The following TSPAN18 variants were observed in gnomAD, a reference collection of about 807,000 sequenced individuals.
TSPAN18 encodes tetraspanin 18, also known as tetraspanin-18.
TSPAN18 carries 14 observed loss-of-function variants against 27.3 expected under a neutral mutation model. The observed-to-expected ratio is 0.51, with a 90% CI of 0.34 to 0.80. The LOEUF is 0.80. TSPAN18 is among the 30% of genes least tolerant of loss of function. The pLI, the probability that TSPAN18 is intolerant of heterozygous loss-of-function variation, is 0.01. For missense variants in TSPAN18, 268 were observed against 323.9 expected (o/e 0.83, Z 1.32); for synonymous variants, 143 against 136.5 (o/e 1.05, Z -0.33).
chr11:44,728,225 C>A (rs1020729935), intron 1 of TSPAN18, among the ~76,000 whole-genome samples: 1 of 152,168 alleles, frequency 6.6e-6, no homozygotes, highest in Non-Finnish European at 1.5e-5. Flanking sequence ...GCTGGAAAGG[C>A]TAGGAGTCAG....
chr11:44,810,495 A>T (rs1237298862), intron 2 of TSPAN18, among the ~76,000 whole-genome samples: 1 of 152,092 alleles, frequency 6.6e-6, no homozygotes, highest in African/African-American at 2.4e-5. Flanking sequence ...CATAGTATGT[A>T]TATACCATAA....
intron 2 of TSPAN18, among the ~76,000 whole-genome samples, chr11:44,784,038 GT>G (rs1273791901): frequency 6.6e-6 from 1 of 152,234 alleles, no homozygotes; most frequent in Non-Finnish European, 1.5e-5. Flanking sequence ...AGAGATTGTA[GT>G]ACAATTTAGA....
At chr11:44,761,212 TC>T (rs1855446920) in intron 1 of TSPAN18, among the ~76,000 whole-genome samples, 1 of 152,132 alleles carries the variant, frequency 6.6e-6, no homozygotes, top group Non-Finnish European at 1.5e-5. Flanking sequence ...TGTCGGGACT[TC>T]CCAAAGCCCA....
intron 2 of TSPAN18, among the ~76,000 whole-genome samples, chr11:44,844,915 G>C (rs1857449672): frequency 6.6e-6 from 1 of 152,154 alleles, no homozygotes; most frequent in Non-Finnish European, 1.5e-5. Flanking sequence ...ACTCATTGAG[G>C]CAGGAGTCAT....
chr11:44,805,432 G>T (rs1056278442), intron 2 of TSPAN18, among the ~76,000 whole-genome samples: 1 of 152,184 alleles, frequency 6.6e-6, no homozygotes, highest in Non-Finnish European at 1.5e-5. Flanking sequence ...AAGTTTGGTG[G>T]GAAGGGTCTT....
chr11:44,778,241 C>T (rs1855859412), intron 2 of TSPAN18, among the ~76,000 whole-genome samples: 2 of 151,942 alleles, frequency 1.3e-5, no homozygotes, highest in South Asian at 4.2e-4. Context: ...AAGGAGCACA[C>T]CTCTTGTTTA....
At chr11:44,858,975 G>C (rs1317483289) in intron 2 of TSPAN18, among the ~76,000 whole-genome samples, 1 of 150,290 alleles carries the variant, frequency 6.7e-6, no homozygotes, top group Non-Finnish European at 1.5e-5. Flanking sequence ...CCCTCCCCCC[G>C]CTCCCCAGTT....
At position 44,851,620 on chromosome 11, in the gene TSPAN18, C is replaced by A. The variant is rs1005806975; in HGVS notation, c.-152-8708C>A. ...GCCCAGGTACTCTTGTCACCTCCCCCCCCCAACGGCTGGGTCCCTGTCTAC... is the reference window on the plus strand; with the variant it reads ...GCCCAGGTACTCTTGTCACCTCCCCACCCCAACGGCTGGGTCCCTGTCTAC... On this transcript the variant is annotated intron_variant, in intron 2 of 9. Transcript: ENST00000520358. 3.4e-5 allele frequency among the ~76,000 whole-genome samples: 5 copies of A among 148,006 alleles called. 1 individual carries two copies. The highest frequency in any genetic ancestry group is 7.6e-5 in the Non-Finnish European group (5 of 65,886).
chr11:44,738,302 A>C (rs1438053109), intron 1 of TSPAN18, among the ~76,000 whole-genome samples: 1 of 152,186 alleles, frequency 6.6e-6, no homozygotes, highest in East Asian at 1.9e-4. Context: ...CTCACAAATC[A>C]GATCTCATCC....
At chr11:44,786,880 C>T (rs1856071400) in intron 2 of TSPAN18, among the ~76,000 whole-genome samples, 2 of 152,094 alleles carry the variant, frequency 1.3e-5, no homozygotes, top group Non-Finnish European at 2.9e-5. Flanking sequence ...GATCTGCCCA[C>T]CTCGGCCTCC....
chr11:44,926,513 TCTCCTGCC>T (rs929387546), intron 8 of TSPAN18, 153 bp from the exon 9 acceptor site: 4 of 667,488 alleles, frequency 6.0e-6, no homozygotes, highest in African/African-American at 3.6e-5. Context: ...TGTTTCTGGG[TCTCCTGCC>T]CTGCACCCCC....
chr11:44,874,891 A>G (rs1266082314), intron 3 of TSPAN18, among the ~76,000 whole-genome samples: 2 of 152,200 alleles, frequency 1.3e-5, no homozygotes, highest in Non-Finnish European at 2.9e-5. Context: ...ATTCCACTGG[A>G]AGAGGAGGGA....
intron 2 of TSPAN18, among the ~76,000 whole-genome samples, chr11:44,777,508 G>A (rs1257294907): frequency 1.3e-5 from 2 of 152,236 alleles, no homozygotes; most frequent in Admixed American, 1.3e-4. Context: ...GGATGGGGAG[G>A]TTGCAGCTAA....
chr11:44,804,228 A>G (rs533240319), intron 2 of TSPAN18, among the ~76,000 whole-genome samples: 11 of 152,084 alleles, frequency 7.2e-5, no homozygotes, highest in African/African-American at 2.7e-4. Flanking sequence ...CTCAGTCTCC[A>G]GAGTAGCTGG....
chr11:44,811,174 A>ACACC (rs942657687), intron 2 of TSPAN18, among the ~76,000 whole-genome samples: 15 of 125,988 alleles, frequency 1.2e-4, no homozygotes, highest in African/African-American at 2.9e-4. Context: ...ACACACACAC[A>ACACC]CCCCTGCCTG....
At chr11:44,900,032 A>G (rs1052050180) in intron 3 of TSPAN18, among the ~76,000 whole-genome samples, 4 of 152,178 alleles carry the variant, frequency 2.6e-5, no homozygotes, top group Admixed American at 1.3e-4. Flanking sequence ...GAGATTCTCC[A>G]TGGTTTCCCT....
At chr11:44,806,127 C>T (rs1002124931) in intron 2 of TSPAN18, among the ~76,000 whole-genome samples, 17 of 151,720 alleles carry the variant, frequency 1.1e-4, no homozygotes, top group African/African-American at 3.1e-4. Context: ...CTCCGCCTCC[C>T]GGGTTCAAGT....
chr11:44,784,024 A>C (rs577797137), intron 2 of TSPAN18, among the ~76,000 whole-genome samples: 1 of 152,304 alleles, frequency 6.6e-6, no homozygotes, highest in South Asian at 2.1e-4. Flanking sequence ...TTGTTGGCTG[A>C]GGGAGAGATT....
At position 44,926,694 on chromosome 11, in the gene TSPAN18, C is replaced by T. The variant is rs1410565010; in HGVS notation, c.636C>T (p.Leu212=). 6.2e-7 allele frequency: 1 copy of T among 1,614,028 alleles called. No individual in the cohort carries two copies. Among genetic ancestry groups the T allele is most frequent in the African/African-American group, 1.3e-5 (1 of 74,926 alleles). The part of the protein sequence containing the change: ...LNKQGCYTVI[L]NTFETYVYLA... ...CCCAGGGCTGTTACACGGTGATCCTCAACACCTTCGAGACCTACGTCTACT... is the reference window on the plus strand; with the variant it reads ...CCCAGGGCTGTTACACGGTGATCCTTAACACCTTCGAGACCTACGTCTACT... The change falls in exon 9 of 10, where the codon CTC becomes CTT. Residue 212 remains leucine, a synonymous_variant. Transcript: ENST00000520358.
Sources: gnomAD v4.1 joint callset for allele counts (sites outside exome capture counted in the v4.1 genomes callset) on GRCh38, gnomAD v4.1.1 for gene constraint, MANE v1.5 for transcripts, NCBI Gene and HGNC (gene_info 2026-07-23, HGNC 2026-07-21) for gene names.